Variants in BEND2 observed in about 807,000 individuals in gnomAD.
The protein encoded by BEND2 is BEN domain containing 2, also known as BEN domain-containing protein 2.
In BEND2, 19 loss-of-function variants were observed where a neutral mutation model predicts 43.8. That is an observed-to-expected ratio of 0.43 (90% CI 0.30 to 0.64). The LOEUF is 0.64. Among genes scored for constraint, BEND2 ranks in the 30% least tolerant of loss-of-function variants. The pLI is 0.11. For missense variants in BEND2, 544 were observed against 574.0 expected, an observed-to-expected ratio of 0.95 and a Z score of 0.53; for synonymous variants, 226 against 210.1, an observed-to-expected ratio of 1.08 and a Z score of -0.66.
At chrX:18,210,906 A>G (rs1925481791) in intron 4 of BEND2, among the ~76,000 whole-genome samples, 1 of 112,114 alleles carries the variant, frequency 8.9e-6, no homozygotes, top group African/African-American at 3.2e-5. Flanking sequence ...CTTTGTTTCA[A>G]AATACATGAT....
chrX:18,177,398 T>G (rs1020011547), intron 10 of BEND2, among the ~76,000 whole-genome samples, 171 bp downstream of exon 10: 1 of 109,304 alleles, frequency 9.1e-6, no homozygotes, highest in East Asian at 2.9e-4. Flanking sequence ...TGGAAATTGT[T>G]ACCAATTATA....
chrX:18,184,808 C>T (rs1465600729), intron 8 of BEND2, among the ~76,000 whole-genome samples: 3 of 111,079 alleles, frequency 2.7e-5, no homozygotes, highest in Admixed American at 9.7e-5. Context: ...CCTCACCAAA[C>T]GAATGAAATA....
At chrX:18,212,488 T>G in intron 4 of BEND2, 77 bp downstream of exon 4, 3 of 767,390 alleles carry the variant, frequency 3.9e-6, no homozygotes, top group Non-Finnish European at 5.8e-6. Flanking sequence ...TTCAACTCCA[T>G]TTTTTAAAAA....
chrX:18,170,930 T>C (rs1409771651), intron 13 of BEND2, 71 bp downstream of exon 13: 1 of 1,201,498 alleles, frequency 8.3e-7, no homozygotes, highest in African/African-American at 1.7e-5. Context: ...CCTGAATGGA[T>C]TCTTCTTTCT....
At chrX:18,219,000 G>A (rs1002954185) in intron 1 of BEND2, among the ~76,000 whole-genome samples, 4 of 112,133 alleles carry the variant, frequency 3.6e-5, no homozygotes, top group African/African-American at 9.7e-5. Flanking sequence ...TTTTCACGCC[G>A]GGACCACTTT....
chrX:18,175,236 C>T (rs1361594069), intron 11 of BEND2, among the ~76,000 whole-genome samples: 2 of 111,639 alleles, frequency 1.8e-5, no homozygotes, highest in Non-Finnish European at 3.8e-5. Flanking sequence ...ATACGCTCAG[C>T]TACAAATATT....
intron 8 of BEND2, among the ~76,000 whole-genome samples, chrX:18,187,685 T>G (rs764334455): frequency 1.9e-4 from 21 of 112,143 alleles, no homozygotes; most frequent in Non-Finnish European, 3.8e-4. Context: ...AAATGTATAT[T>G]CTGCAGCTGT....
chrX:18,201,691 C>G, intron 6 of BEND2, 124 bp downstream of exon 6: 1 of 821,506 alleles, frequency 1.2e-6, no homozygotes, highest in Non-Finnish European at 1.6e-6. Context: ...CGGGTTTTCA[C>G]CATGTTGGTC....
At chrX:18,214,389 G>A (rs1365338413) in intron 2 of BEND2, among the ~76,000 whole-genome samples, 1 of 112,128 alleles carries the variant, frequency 8.9e-6, no homozygotes, top group African/African-American at 3.2e-5. Flanking sequence ...TGACTGAAAG[G>A]GGGTGGATAG....
intron 13 of BEND2, among the ~76,000 whole-genome samples, chrX:18,165,441 C>T (rs1336107819): frequency 8.9e-6 from 1 of 111,917 alleles, no homozygotes; most frequent in Non-Finnish European, 1.9e-5. Context: ...CACAATAAAG[C>T]AACAATCTCC....
intron 8 of BEND2, among the ~76,000 whole-genome samples, chrX:18,182,903 G>A (rs929378796): frequency 1.8e-5 from 2 of 109,747 alleles, no homozygotes; most frequent in African/African-American, 6.6e-5. Flanking sequence ...TTAGCCAGGC[G>A]TGGTAGTACA....
chrX:18,213,801 C>A lies in BEND2; in HGVS notation c.349G>T (p.Asp117Tyr). 6.0e-6 allele frequency: 1 copy of A among 166,969 alleles called. No individual in the cohort carries two copies. The highest frequency in any genetic ancestry group is 1.2e-5 in the Non-Finnish European group (1 of 86,483). The allele number at this position is 166,969 out of a possible 1,213,427, so 13.8% of individuals were successfully genotyped here. A position where few individuals can be genotyped will look rare whatever the true frequency, so the allele number is the denominator to read the frequency against. ...FFHLSLPSSW[D>Y]DRRTPPCPVA... ...GGGCATGGTGGCGTGCGCCTGTCAT[C>A]CCAGCTACTGGGAAGGCTGAGGTGG... Residue 117 changes from aspartate (D) to tyrosine (Y), a missense_variant, in exon 3 of 14, where the codon GAT becomes TAT. By Grantham distance (160) the Asp-to-Tyr change is radical (BLOSUM62 -3). Coordinates refer to ENST00000380033, the MANE Select transcript of BEND2 (RefSeq NM_153346.5).
chrX:18,174,331 C>G, intron 11 of BEND2, 73 bp from the exon 12 acceptor site: 1 of 927,932 alleles, frequency 1.1e-6, no homozygotes, highest in Non-Finnish European at 1.5e-6. Context: ...CTACCACCTA[C>G]CAGGCCCACC....
rs1925155694 is a variant in BEND2, at chrX:18,201,427, A to AAC, written c.1033+387_1033+388insGT. ...AAAAAAAAAAAAAAAACAAAAAAAA[A>AAC]AAAACTGGTGGATCAAGGTTAAATA... On this transcript the variant is annotated intron_variant, in intron 6 of 13. Coordinates refer to ENST00000380033, the MANE Select transcript of BEND2 (RefSeq NM_153346.5). Among the ~76,000 whole-genome samples, 332 of 86,364 alleles carry AAC rather than the reference A, an allele frequency of 3.8e-3. 17 individuals carry two copies. The highest frequency in any genetic ancestry group is 7.2e-3 in the Middle Eastern group (1 of 139). The allele number at this position is 86,364 out of a possible 115,157, so 75.0% of individuals were successfully genotyped here.
chrX:18,209,705 G>A (rs1925448518), intron 4 of BEND2, among the ~76,000 whole-genome samples: 1 of 111,079 alleles, frequency 9.0e-6, no homozygotes. Context: ...GACAAGGAAA[G>A]AATAAGGAGC....
At position 18,203,692 on chromosome X, in the gene BEND2, C is replaced by G; in HGVS notation, c.716G>C (p.Gly239Ala). 1 of 1,211,141 alleles carries G rather than the reference C, an allele frequency of 8.3e-7. No individual in the cohort carries two copies. Among genetic ancestry groups the G allele is most frequent in the South Asian group, 1.8e-5 (1 of 56,996 alleles). ...GACAGCATTGGTACTTTCAGCACCT[C>G]CACTGATAAAGTTCCATGGCATACC... ...CFGMPWNFIS[G>A]GAESTNAVIS... The change falls in exon 5 of 14, where the codon GGA (glycine) becomes GCA (alanine). Residue 239 changes from glycine to alanine, a missense_variant. Transcript: ENST00000380033.
In BEND2 at chrX:18,201,533, C is replaced by G. The variant is rs190340543; in HGVS notation, c.1033+282G>C. Among the ~76,000 whole-genome samples the G allele has an allele frequency of 8.1e-3, 862 of 106,936 alleles. 11 individuals carry two copies. The highest frequency in any genetic ancestry group is 0.028 in the African/African-American group (827 of 29,435). 92.9% of individuals were successfully genotyped at this position (106,936 alleles called of 115,157 possible). A position where few individuals can be genotyped will look rare whatever the true frequency, so the allele number is the denominator to read the frequency against. On this transcript the variant is annotated intron_variant, in intron 6 of 13. Coordinates refer to ENST00000380033, the MANE Select transcript of BEND2 (RefSeq NM_153346.5). ...TTGAGATGGAGTTTCGCTCTTGTTGCCCAGGCTGGAGTTAAGTGGCATGAT... is the reference window on the plus strand; with the variant it reads ...TTGAGATGGAGTTTCGCTCTTGTTGGCCAGGCTGGAGTTAAGTGGCATGAT...
At chrX:18,173,146 T>C (rs1051650956) in intron 12 of BEND2, among the ~76,000 whole-genome samples, 22 of 111,350 alleles carry the variant, frequency 2.0e-4, no homozygotes, top group African/African-American at 6.9e-4. Context: ...TTAGTCGCCC[T>C]GTCCCCTCGT....
rs183487248 is a variant in BEND2, at chrX:18,212,300, C to T, written c.492+265G>A. 3.3e-3 allele frequency among the ~76,000 whole-genome samples: 365 copies of T among 109,589 alleles called. 3 individuals carry two copies. The highest frequency in any genetic ancestry group is 0.011 in the African/African-American group (330 of 30,117). On this transcript the variant is annotated intron_variant, in intron 4 of 13. Coordinates refer to ENST00000380033, the MANE Select transcript of BEND2 (RefSeq NM_153346.5). ...TTTTAGAAGAGATGGGGTTTCACCA[C>T]GTTGGCCAGGCTGGTCTCAAACTCC...
Sources: gnomAD v4.1 joint callset for allele counts (sites outside exome capture counted in the v4.1 genomes callset) on GRCh38, gnomAD v4.1.1 for gene constraint, MANE v1.5 for transcripts, NCBI Gene and HGNC (gene_info 2026-07-23, HGNC 2026-07-21) for gene names.